NRF1: variants seen among roughly 807,000 people sequenced by gnomAD.
NRF1 encodes nuclear respiratory factor 1.
Under a neutral mutation model 58.5 loss-of-function variants are expected in NRF1, and 5 were observed. The ratio of observed to expected loss-of-function variants is 0.09; its 90% CI spans 0.04 to 0.18. NRF1 has a LOEUF of 0.18. Ranked by LOEUF, NRF1 falls within the 10% of genes least tolerant of loss-of-function variation. The pLI is 1.00. For synonymous variants in NRF1, 224 were observed against 246.7 expected (o/e 0.91, Z 0.86); for missense variants, 288 against 657.7 (o/e 0.44, Z 6.15).
intron 1 of NRF1, among the ~76,000 whole-genome samples, chr7:129,634,131 G>A (rs75630895): frequency 0.026 from 3,968 of 150,828 alleles, 61 homozygotes; most frequent in Middle Eastern, 0.075. Flanking sequence ...ATTGAGTGGA[G>A]AGTATGGAGA....
intron 4 of NRF1, among the ~76,000 whole-genome samples, chr7:129,680,501 A>T (rs1802283350): frequency 1.3e-5 from 2 of 152,250 alleles, no homozygotes; most frequent in African/African-American, 4.8e-5. Flanking sequence ...TACAGTGTTT[A>T]TAGCAGCATT....
chr7:129,728,691 C>CA (rs1803509654), intron 10 of NRF1, among the ~76,000 whole-genome samples: 1 of 152,106 alleles, frequency 6.6e-6, no homozygotes, highest in Admixed American at 6.5e-5. Context: ...TAGGAGGAAA[C>CA]AAAGTACCTC....
intron 2 of NRF1, among the ~76,000 whole-genome samples, chr7:129,660,195 C>T (rs1157213025): frequency 6.6e-6 from 1 of 152,096 alleles, no homozygotes; most frequent in East Asian, 1.9e-4. Flanking sequence ...CAATTACCTC[C>T]CACCGGGTCC....
intron 1 of NRF1, among the ~76,000 whole-genome samples, chr7:129,625,317 A>AG (rs1800888910): frequency 1.3e-5 from 2 of 152,250 alleles, no homozygotes; most frequent in Middle Eastern, 3.4e-3. Flanking sequence ...TCTTCAAGTG[A>AG]GGTAGTATTC....
chr7:129,674,376 G>C (rs2151084908), intron 3 of NRF1, among the ~76,000 whole-genome samples: 1 of 150,768 alleles, frequency 6.6e-6, no homozygotes, highest in Middle Eastern at 3.4e-3. Context: ...ACTATACTCT[G>C]TTAAGTGTTG....
chr7:129,674,402 T>TA (rs11437601), intron 3 of NRF1, among the ~76,000 whole-genome samples: 61,868 of 146,432 alleles, frequency 0.42, 14,595 homozygotes, highest in African/African-American at 0.65. Flanking sequence ...GTATTATATC[T>TA]AAAAAAAAAA....
intron 1 of NRF1, among the ~76,000 whole-genome samples, chr7:129,625,621 C>G (rs974630084): frequency 6.6e-6 from 1 of 151,468 alleles, no homozygotes; most frequent in African/African-American, 2.4e-5. Flanking sequence ...CTGTGTTAGC[C>G]TCCTGAGTAG....
intron 10 of NRF1, among the ~76,000 whole-genome samples, chr7:129,748,694 T>C (rs1351692608): frequency 3.3e-5 from 5 of 152,128 alleles, no homozygotes; most frequent in Non-Finnish European, 2.9e-5. Flanking sequence ...ATGGGATGGC[T>C]TTTGCCAAAC....
At chr7:129,625,117 C>T (rs1339585687) in intron 1 of NRF1, among the ~76,000 whole-genome samples, 1 of 152,180 alleles carries the variant, frequency 6.6e-6, no homozygotes, top group Non-Finnish European at 1.5e-5. Context: ...TTTGTCTCTT[C>T]CAGCCTTTGG....
chr7:129,742,286 AAAAAAAC>A (rs1488175162), intron 10 of NRF1, among the ~76,000 whole-genome samples: 9 of 151,636 alleles, frequency 5.9e-5, no homozygotes, highest in Middle Eastern at 3.4e-3. Context: ...AAAAAAAAAA[AAAAAAAC>A]AAAAAACTTT....
chr7:129,612,010 CACCCCGAGGA>C (rs1800542632), intron 1 of NRF1, among the ~76,000 whole-genome samples, 186 bp downstream of exon 1: 1 of 149,412 alleles, frequency 6.7e-6, no homozygotes. Flanking sequence ...GCCAAACCGC[CACCCCGAGGA>C]TGCGCAGGCC....
At chr7:129,617,614 C>A (rs563046118) in intron 1 of NRF1, among the ~76,000 whole-genome samples, 11 of 152,122 alleles carry the variant, frequency 7.2e-5, no homozygotes, top group African/African-American at 9.7e-5. Flanking sequence ...AATCTTGGGC[C>A]TTGTCGTGTA....
chr7:129,680,069 A>G (rs1364896464), intron 4 of NRF1, among the ~76,000 whole-genome samples: 3 of 152,162 alleles, frequency 2.0e-5, no homozygotes, highest in Admixed American at 1.3e-4. Context: ...CAAAAAAATA[A>G]TAATAATAAA....
chr7:129,626,080 A>G (rs1016360362), intron 1 of NRF1, among the ~76,000 whole-genome samples: 2 of 152,172 alleles, frequency 1.3e-5, no homozygotes, highest in Non-Finnish European at 2.9e-5. Context: ...TTGGCCTGCC[A>G]CAGTGCTGGG....
At chr7:129,659,286 C>G (rs1562962321) in intron 2 of NRF1, among the ~76,000 whole-genome samples, 1 of 152,064 alleles carries the variant, frequency 6.6e-6, no homozygotes, top group African/African-American at 2.4e-5. Context: ...ACCCTGTTGG[C>G]CAGGCCGGTC....
intron 1 of NRF1, among the ~76,000 whole-genome samples, chr7:129,616,052 T>C (rs553758100): frequency 8.6e-5 from 13 of 151,866 alleles, no homozygotes; most frequent in South Asian, 4.2e-4. Context: ...TATATATATA[T>C]ACACACACAC....
intron 9 of NRF1, among the ~76,000 whole-genome samples, chr7:129,719,543 C>CACACACA (rs1255895761): frequency 1.4e-5 from 2 of 142,058 alleles, no homozygotes; most frequent in African/African-American, 2.7e-5. Flanking sequence ...CACACACACA[C>CACACACA]AACACATCTT....
intron 1 of NRF1, among the ~76,000 whole-genome samples, chr7:129,631,737 CTG>C (rs1228914883): frequency 6.6e-6 from 1 of 152,100 alleles, no homozygotes; most frequent in Non-Finnish European, 1.5e-5. Flanking sequence ...TCTTAAAAGA[CTG>C]TTTAAAACTG....
chr7:129,688,414 A>G (rs1424573005), intron 4 of NRF1, among the ~76,000 whole-genome samples: 1 of 152,200 alleles, frequency 6.6e-6, no homozygotes, highest in Non-Finnish European at 1.5e-5. Context: ...GGTGTGAGCC[A>G]CTGCACACAG....
Sources: allele counts gnomAD v4.1 joint callset (sites outside exome capture counted in the v4.1 genomes callset), GRCh38; gene constraint gnomAD v4.1.1; transcripts MANE v1.5; gene names NCBI Gene and HGNC (gene_info 2026-07-23, HGNC 2026-07-21).